HCN2: variants seen among roughly 807,000 people sequenced by gnomAD.
HCN2 encodes the protein potassium/sodium hyperpolarization-activated cyclic nucleotide-gated channel 2.
HCN2 carries 20 observed loss-of-function variants against 52.3 expected under a neutral mutation model. The observed-to-expected ratio is 0.38, with a 90% CI of 0.27 to 0.56. The LOEUF (loss-of-function observed/expected upper bound fraction) is 0.56. HCN2 is among the 20% of genes least tolerant of loss of function. The pLI is 0.71. For missense variants in HCN2, 981 were observed against 1,207.7 expected, an observed-to-expected ratio of 0.81 and a Z score of 2.78; for synonymous variants, 694 against 537.0, an observed-to-expected ratio of 1.29 and a Z score of -4.04.
chr19:597,978 T>C (rs1171885039), intron 1 of HCN2, among the ~76,000 whole-genome samples: 1 of 152,222 alleles, frequency 6.6e-6, no homozygotes, highest in African/African-American at 2.4e-5. Flanking sequence ...TCTCAACTGC[T>C]CTTTCCTGCT....
intron 5 of HCN2, among the ~76,000 whole-genome samples, chr19:610,866 G>A (rs909444132): frequency 1.2e-4 from 19 of 152,138 alleles, no homozygotes; most frequent in Non-Finnish European, 1.8e-4. Context: ...GCCTCCCACC[G>A]TCCTGGAGGC....
Position 616,084 on chromosome 19 carries a change from CCCG to C in HCN2, c.2283_2285del (p.Pro763del). ...TCGGCTCGCCGCGCCTCGTGCGCCG[CCCG>C]CCCCCGGGGCCCGCACCTGCCGCCG... On this transcript the variant is annotated inframe_deletion, in exon 8 of 8. Coordinates refer to ENST00000251287, the MANE Select transcript of HCN2 (RefSeq NM_001194.4). The C allele has an allele frequency of 1.9e-6, 2 of 1,038,084 alleles. No homozygotes were observed. The highest frequency in any genetic ancestry group is 2.3e-6 in the Non-Finnish European group (2 of 866,206). The allele number at this position is 1,038,084 out of a possible 1,614,324, so 64.3% of individuals were successfully genotyped here.
At chr19:593,328 A>T (rs1008055778) in intron 1 of HCN2, among the ~76,000 whole-genome samples, 5 of 152,224 alleles carry the variant, frequency 3.3e-5, no homozygotes, top group Non-Finnish European at 7.3e-5. Flanking sequence ...TTGGAAGTGC[A>T]GTTGGTGCCA....
At chr19:608,624 G>A (rs1329050888) in intron 4 of HCN2, among the ~76,000 whole-genome samples, 2 of 135,246 alleles carry the variant, frequency 1.5e-5, no homozygotes, top group Admixed American at 1.7e-4. Context: ...GGGCAGGAAG[G>A]GGTGAGTTGG....
In HCN2 at chr19:612,417, T is replaced by TGAGA. The variant is rs1461741433; in HGVS notation, c.1585-830_1585-829insAGAG. On this transcript the variant is annotated intron_variant, in intron 5 of 7. Transcript: ENST00000251287. Reference sequence around the variant, plus strand: ...TGGTGTGTGTGTGTGTGTGTGTGTGTGTGTGTGTGTGAGAGAGAGATGGAG... The same window carrying TGAGA: ...TGGTGTGTGTGTGTGTGTGTGTGTGTGAGAGTGTGTGTGTGAGAGAGAGATGGAG... Among the ~76,000 whole-genome samples the TGAGA allele has an allele frequency of 2.2e-3, 287 of 129,186 alleles. 4 individuals are homozygous for TGAGA. Among genetic ancestry groups the TGAGA allele is most frequent in the African/African-American group, 6.7e-3 (247 of 36,620 alleles). The allele number at this position is 129,186 out of a possible 152,430, so 84.8% of individuals were successfully genotyped here. A position where few individuals can be genotyped will look rare whatever the true frequency, so the allele number is the denominator to read the frequency against.
chr19:601,139 CCT>C (rs2144512425), intron 1 of HCN2, among the ~76,000 whole-genome samples: 1 of 152,284 alleles, frequency 6.6e-6, no homozygotes, highest in East Asian at 1.9e-4. Flanking sequence ...ATGGTGAAAC[CCT>C]GTCTCTACTA....
At chr19:600,959 C>A (rs1568362943) in intron 1 of HCN2, among the ~76,000 whole-genome samples, 1 of 152,176 alleles carries the variant, frequency 6.6e-6, no homozygotes, top group Admixed American at 6.5e-5. Flanking sequence ...AACCCCCGGC[C>A]CCCGGCACCC....
intron 4 of HCN2, among the ~76,000 whole-genome samples, chr19:609,853 TTGCACCAC>T (rs1206463860): frequency 6.6e-6 from 1 of 152,180 alleles, no homozygotes; most frequent in Non-Finnish European, 1.5e-5. Context: ...TGAGCTGTGA[TTGCACCAC>T]TGCACTCCAG....
chr19:590,728 G>T lies in HCN2; in HGVS notation c.632+151G>T, dbSNP rs1982844752. Reference sequence around the variant, plus strand: ...GTGACCTCGGGCGTGTCCGGGACCCGCCCCGGAGTGACCCCGGCGCGCGAG... The same window carrying T: ...GTGACCTCGGGCGTGTCCGGGACCCTCCCCGGAGTGACCCCGGCGCGCGAG... On this transcript the variant is annotated intron_variant, in intron 1 of 7. Coordinates refer to ENST00000251287, the MANE Select transcript of HCN2 (RefSeq NM_001194.4). The surrounding 1 kb of genome is among the most constrained non-coding windows in gnomAD (Gnocchi z 7.2). 1 of 482,310 alleles carries T rather than the reference G, an allele frequency of 2.1e-6. No homozygotes were observed. The highest frequency in any genetic ancestry group is 1.0e-4 in the South Asian group (1 of 9,770). 29.9% of individuals were successfully genotyped at this position (482,310 alleles called of 1,614,324 possible).
intron 4 of HCN2, 130 bp from the exon 5 acceptor site, chr19:610,129 G>A: frequency 1.9e-6 from 2 of 1,076,110 alleles, no homozygotes; most frequent in African/African-American, 1.6e-5. Flanking sequence ...ACAAGCAGGT[G>A]CCCGTGTGCC....
At position 613,314 on chromosome 19, in the gene HCN2, A is replaced by G; in HGVS notation, c.1651A>G (p.Asn551Asp). The change falls in exon 6 of 8, where the codon AAC becomes GAC. Residue 551 changes from asparagine (N) to aspartate (D), a missense_variant. Asn to Asp is a conservative substitution (Grantham distance 23). Transcript: ENST00000251287. The stretch of plus-strand genomic sequence containing the variant: ...GCCGCTGTTCGCCAACGCCGACCCC[A>G]ACTTCGTCACGGCCATGCTGACCAA... ...SMPLFANADP[N>D]FVTAMLTKLK... 1 of 1,612,872 alleles carries G rather than the reference A, an allele frequency of 6.2e-7. No individual in the cohort carries two copies. Among genetic ancestry groups the G allele is most frequent in the Non-Finnish European group, 8.5e-7 (1 of 1,179,866 alleles).
intron 7 of HCN2, among the ~76,000 whole-genome samples, chr19:614,899 G>C (rs1983829401): frequency 6.6e-6 from 1 of 152,140 alleles, no homozygotes; most frequent in Admixed American, 6.5e-5. Context: ...TGCTGTTCGT[G>C]GGAATGGGAA....
chr19:601,602 G>A (rs902450628), intron 1 of HCN2, among the ~76,000 whole-genome samples: 3 of 150,822 alleles, frequency 2.0e-5, no homozygotes, highest in Admixed American at 1.3e-4. Context: ...GTGTGAACAC[G>A]GCGGGGTGCT....
At chr19:614,069 T>C (rs1355140186) in intron 7 of HCN2, 53 bp downstream of exon 7, 1 of 1,326,356 alleles carries the variant, frequency 7.5e-7, no homozygotes, top group Non-Finnish European at 1.0e-6. Context: ...GGGAGGGGCG[T>C]GGCCAAGGCA....
At chr19:607,935 C>T (rs1230609207) in intron 3 of HCN2, 29 bp from the exon 4 acceptor site, 2 of 1,573,930 alleles carry the variant, frequency 1.3e-6, no homozygotes, top group Non-Finnish European at 1.7e-6. Context: ...AGCACCTGCC[C>T]ACCACCGCCC....
intron 7 of HCN2, 146 bp downstream of exon 7, chr19:614,162 G>A: frequency 8.5e-6 from 5 of 588,106 alleles, no homozygotes; most frequent in Non-Finnish European, 1.3e-5. Context: ...ACGTGGCCAA[G>A]GCATCAGGAG....
At chr19:614,101 TG>T (rs1983796349) in intron 7 of HCN2, 85 bp downstream of exon 7, 2 of 670,894 alleles carry the variant, frequency 3.0e-6, no homozygotes, top group African/African-American at 3.9e-5. Flanking sequence ...GCTTGGACAG[TG>T]GCAGGGGGAA....
chr19:590,288 G>T lies in HCN2; in HGVS notation c.343G>T (p.Glu115Ter). 2.0e-6 allele frequency: 2 copies of T among 991,468 alleles called. No homozygotes were observed. The highest frequency in any genetic ancestry group is 1.1e-4 in the East Asian group (1 of 8,894). 61.4% of individuals were successfully genotyped at this position (991,468 alleles called of 1,614,324 possible). A position where few individuals can be genotyped will look rare whatever the true frequency, so the allele number is the denominator to read the frequency against. ...GEPQCSPAGPEGPARGPKVSF... is the reference protein window; with the variant it reads ...GEPQCSPAGP ...GCCGCAGTGCAGCCCCGCGGGGCCC[G>T]AGGGCCCGGCGCGGGGGCCCAAGGT... Residue 115 changes from glutamate (E) to a stop codon, truncating the protein, a stop_gained, in exon 1 of 8, where the codon GAG becomes TAG. Transcript: ENST00000251287. LOFTEE classifies it high-confidence loss of function. The surrounding 1 kb of genome is among the most constrained non-coding windows in gnomAD (Gnocchi z 7.2).
At position 591,894 on chromosome 19, in the gene HCN2, G is replaced by A. The variant is rs1017119466; in HGVS notation, c.632+1317G>A. Among the ~76,000 whole-genome samples the A allele has an allele frequency of 5.3e-5, 8 of 152,170 alleles. No homozygotes were observed. Among genetic ancestry groups the A allele is most frequent in the Non-Finnish European group, 1.5e-5 (1 of 68,014 alleles). ...ACATGCGTCCTGGACAGAGCCTGGA[G>A]GAAGGCCCTGGAATCCTCCTCCCAC... On this transcript the variant is annotated intron_variant, in intron 1 of 7. Transcript: ENST00000251287. The surrounding 1 kb of genome is among the most constrained non-coding windows in gnomAD (Gnocchi z 4.1).
Sources: gnomAD v4.1 joint callset for allele counts (sites outside exome capture counted in the v4.1 genomes callset) on GRCh38, gnomAD v4.1.1 for gene constraint, Gnocchi (gnomAD v3.1) non-coding constraint, MANE v1.5 for transcripts, NCBI Gene and HGNC (gene_info 2026-07-23, HGNC 2026-07-21) for gene names.